CYTH1: variants seen among roughly 807,000 people sequenced by gnomAD.
CYTH1 encodes cytohesin 1.
Under a neutral mutation model 61.8 loss-of-function variants are expected in CYTH1, and 18 were observed. That is an observed-to-expected ratio of 0.29 (90% CI 0.20 to 0.43). The LOEUF (loss-of-function observed/expected upper bound fraction) is 0.43, where lower values mean the gene tolerates loss of function less well. Among genes scored for constraint, CYTH1 ranks in the 20% least tolerant of loss-of-function variants. The pLI is 1.00. For synonymous variants in CYTH1, 174 were observed against 184.3 expected (o/e 0.94, Z 0.45); for missense variants, 336 against 510.5 (o/e 0.66, Z 3.29).
chr17:78,718,019 A>C (rs2093196486), intron 1 of CYTH1, among the ~76,000 whole-genome samples: 1 of 152,160 alleles, frequency 6.6e-6, no homozygotes, highest in African/African-American at 2.4e-5. Flanking sequence ...CATTTTATAA[A>C]GTAATTAAGG....
In CYTH1 at chr17:78,760,398, TATATATATGTGTATATATATATATATAC is replaced by T. The variant is rs1567879084; in HGVS notation, c.22+21776_22+21803del. Among the ~76,000 whole-genome samples the T allele has an allele frequency of 3.7e-3, 160 of 43,226 alleles. 7 individuals are homozygous for T. The highest frequency in any genetic ancestry group is 9.5e-3 in the African/African-American group (151 of 15,892). The allele number at this position is 43,226 out of a possible 152,430, so 28.4% of individuals were successfully genotyped here. A position where few individuals can be genotyped will look rare whatever the true frequency, so the allele number is the denominator to read the frequency against. On this transcript the variant is annotated intron_variant, in intron 1 of 13. Transcript: ENST00000446868. Reference sequence around the variant, plus strand: ...ATATATATATATACACACACATACATATATATATGTGTATATATATATATATACACATACATATATATATGTATATATA... The same window carrying T: ...ATATATATATATACACACACATACATACATACATATATATATGTATATATA...
intron 1 of CYTH1, chr17:78,736,735 C>T (rs924384267): frequency 4.8e-6 from 2 of 416,540 alleles, no homozygotes; most frequent in South Asian, 1.7e-5. Flanking sequence ...TTCCTTACAG[C>T]GGGACACGAA....
chr17:78,731,995 C>A (rs1161691410), intron 1 of CYTH1, among the ~76,000 whole-genome samples: 1 of 152,168 alleles, frequency 6.6e-6, no homozygotes, highest in Non-Finnish European at 1.5e-5. Context: ...TGCAGCCACA[C>A]ACAGGTTCCT....
Position 78,676,364 on chromosome 17 carries a change from G to C in CYTH1, c.1119-195C>G, listed in dbSNP as rs148969221. The C allele has an allele frequency of 2.1e-3, 1,247 of 583,756 alleles. 9 individuals are homozygous for C. Among genetic ancestry groups the C allele is most frequent in the African/African-American group, 0.016 (866 of 53,674 alleles). 36.2% of individuals were successfully genotyped at this position (583,756 alleles called of 1,614,324 possible). On this transcript the variant is annotated intron_variant, in intron 13 of 13. Coordinates refer to ENST00000446868, the MANE Select transcript of CYTH1 (RefSeq NM_004762.6). ...ACCTAAGGTGACACACTTCGAAAGA[G>C]ACACAGGAACACGTGACAAGAAAAT...
chr17:78,692,044 T>G, intron 11 of CYTH1: 1 of 177,664 alleles, frequency 5.6e-6, no homozygotes, highest in Non-Finnish European at 1.2e-5. Flanking sequence ...ATCACGATTA[T>G]TTCCTTTTTC....
At chr17:78,749,506 C>A (rs1402952291) in intron 1 of CYTH1, among the ~76,000 whole-genome samples, 1 of 151,960 alleles carries the variant, frequency 6.6e-6, no homozygotes, top group African/African-American at 2.4e-5. Context: ...GTGGGTGTGC[C>A]TGTGGTCCCA....
At chr17:78,779,594 T>C (rs1250935134) in intron 1 of CYTH1, among the ~76,000 whole-genome samples, 1 of 152,126 alleles carries the variant, frequency 6.6e-6, no homozygotes, top group Non-Finnish European at 1.5e-5. Flanking sequence ...ATCCTTAGCC[T>C]TGATTATCCA....
At chr17:78,677,220 A>G (rs759812720) in intron 13 of CYTH1, 4 of 391,278 alleles carry the variant, frequency 1.0e-5, no homozygotes, top group Admixed American at 5.8e-5. Flanking sequence ...ACCTGCTTTC[A>G]TGTTTGGAGG....
chr17:78,675,809 G>C lies in CYTH1; in HGVS notation c.*282C>G. On this transcript the variant is annotated 3_prime_UTR_variant, in exon 14 of 14. Coordinates refer to ENST00000446868, the MANE Select transcript of CYTH1 (RefSeq NM_004762.6). ...AGCTCTGCTACCAGAACACTGAGCAGAGAAACTGGCCAGGAGGCTGCCCTG... is the reference window on the plus strand; with the variant it reads ...AGCTCTGCTACCAGAACACTGAGCACAGAAACTGGCCAGGAGGCTGCCCTG... 4 of 1,386,286 alleles carry C rather than the reference G, an allele frequency of 2.9e-6. No homozygotes were observed. Among genetic ancestry groups the C allele is most frequent in the Non-Finnish European group, 3.8e-6 (4 of 1,048,098 alleles). The allele number at this position is 1,386,286 out of a possible 1,614,324, so 85.9% of individuals were successfully genotyped here.
chr17:78,703,931 C>T (rs1300423815), intron 3 of CYTH1, among the ~76,000 whole-genome samples: 1 of 152,218 alleles, frequency 6.6e-6, no homozygotes, highest in Non-Finnish European at 1.5e-5. Context: ...TTTTCATTTT[C>T]CTTGGGTAGA....
At chr17:78,744,305 C>T (rs2093351918) in intron 1 of CYTH1, among the ~76,000 whole-genome samples, 1 of 152,168 alleles carries the variant, frequency 6.6e-6, no homozygotes, top group South Asian at 2.1e-4. Context: ...TCTCCATTCT[C>T]AGAGGTGCTG....
intron 1 of CYTH1, among the ~76,000 whole-genome samples, chr17:78,737,224 C>A (rs2093324122): frequency 6.6e-6 from 1 of 152,168 alleles, no homozygotes; most frequent in South Asian, 2.1e-4. Context: ...TAATTATTTG[C>A]ACATAAGCTA....
At position 78,760,536 on chromosome 17, in the gene CYTH1, C is replaced by CATATATATGTATATATATATGTAT. The variant is rs1207602482; in HGVS notation, c.22+21642_22+21665dup. Among the ~76,000 whole-genome samples, 217 of 42,164 alleles carry CATATATATGTATATATATATGTAT rather than the reference C, an allele frequency of 5.1e-3. 8 individuals are homozygous for CATATATATGTATATATATATGTAT. The highest frequency in any genetic ancestry group is 7.8e-3 in the Non-Finnish European group (178 of 22,758). 27.7% of individuals were successfully genotyped at this position (42,164 alleles called of 152,430 possible). On this transcript the variant is annotated intron_variant, in intron 1 of 13. Coordinates refer to ENST00000446868, the MANE Select transcript of CYTH1 (RefSeq NM_004762.6). The stretch of plus-strand genomic sequence containing the variant: ...ATATATGTATATATATATATACATA[C>CATATATATGTATATATATATGTAT]ATATATATGTATATATATATGTATA...
At position 78,760,471 on chromosome 17, in the gene CYTH1, GTATATATATGTATGTATATATATA is replaced by G. The variant is rs2093421347; in HGVS notation, c.22+21707_22+21730del. Among the ~76,000 whole-genome samples the G allele has an allele frequency of 7.5e-5, 2 of 26,804 alleles. 1 individual carries two copies. Among genetic ancestry groups the G allele is most frequent in the Non-Finnish European group, 1.5e-4 (2 of 13,638 alleles). 17.6% of individuals were successfully genotyped at this position (26,804 alleles called of 152,430 possible). A position where few individuals can be genotyped will look rare whatever the true frequency, so the allele number is the denominator to read the frequency against. Reference sequence around the variant, plus strand: ...TATATATATACATACATATATATATGTATATATATGTATGTATATATATATACATATATATGTATATATATGTAT... The same window carrying G: ...TATATATATACATACATATATATATGTACATATATATGTATATATATGTAT... On this transcript the variant is annotated intron_variant, in intron 1 of 13. Transcript: ENST00000446868.
At chr17:78,760,015 C>G (rs1433224686) in intron 1 of CYTH1, among the ~76,000 whole-genome samples, 1 of 152,000 alleles carries the variant, frequency 6.6e-6, no homozygotes, top group African/African-American at 2.4e-5. Context: ...CTGGATCTGC[C>G]CTGGTACGTT....
intron 1 of CYTH1, among the ~76,000 whole-genome samples, chr17:78,748,152 C>T (rs189652291): frequency 1.1e-4 from 16 of 152,290 alleles, no homozygotes; most frequent in African/African-American, 3.4e-4. Flanking sequence ...CCCCACACAC[C>T]GGAAACAAAC....
chr17:78,711,893 T>A (rs572436244), intron 1 of CYTH1, among the ~76,000 whole-genome samples: 1 of 151,948 alleles, frequency 6.6e-6, no homozygotes, highest in African/African-American at 2.4e-5. Context: ...ATGGACAACA[T>A]GGTGAAACCC....
intron 1 of CYTH1, among the ~76,000 whole-genome samples, chr17:78,740,156 G>A (rs1290056152): frequency 6.6e-6 from 1 of 152,036 alleles, no homozygotes; most frequent in African/African-American, 2.4e-5. Context: ...GGCTGGTCTC[G>A]AACTCCTAAC....
intron 4 of CYTH1, 96 bp from the exon 5 acceptor site, chr17:78,702,336 G>T: frequency 1.8e-6 from 2 of 1,111,680 alleles, no homozygotes; most frequent in Non-Finnish European, 2.7e-6. Flanking sequence ...TGGGTGCACT[G>T]GAATATTTAA....
Sources: allele counts gnomAD v4.1 joint callset (sites outside exome capture counted in the v4.1 genomes callset), GRCh38; gene constraint gnomAD v4.1.1; transcripts MANE v1.5; gene names NCBI Gene and HGNC (gene_info 2026-07-23, HGNC 2026-07-21).